The following PDE2A variants were observed in gnomAD, a reference collection of about 807,000 sequenced individuals.
PDE2A encodes the protein phosphodiesterase 2A.
In PDE2A, 53 loss-of-function variants were observed where a neutral mutation model predicts 133.6. The ratio of observed to expected loss-of-function variants is 0.40; its 90% CI spans 0.32 to 0.50. The LOEUF is 0.50. Ranked by LOEUF, PDE2A falls within the 20% of genes least tolerant of loss-of-function variation. The pLI, the probability that PDE2A is intolerant of heterozygous loss-of-function variation, is 0.73. For synonymous variants in PDE2A, 491 were observed against 490.2 expected (o/e 1.00, Z -0.02); for missense variants, 796 against 1,232.4 (o/e 0.65, Z 5.30).
intron 4 of PDE2A, among the ~76,000 whole-genome samples, chr11:72,599,992 C>G (rs549658178): frequency 2.0e-5 from 3 of 152,220 alleles, no homozygotes; most frequent in Non-Finnish European, 4.4e-5. Context: ...CAGAGGTTAT[C>G]GAGGCAGACA....
At chr11:72,653,224 C>T (rs986746386) in intron 1 of PDE2A, among the ~76,000 whole-genome samples, 4 of 151,998 alleles carry the variant, frequency 2.6e-5, no homozygotes, top group Non-Finnish European at 4.4e-5. Context: ...GCTGGGCTCT[C>T]GAGGGGAAGA....
intron 1 of PDE2A, among the ~76,000 whole-genome samples, chr11:72,659,160 C>G (rs4943961): frequency 0.18 from 27,210 of 151,198 alleles, 2,747 homozygotes; most frequent in African/African-American, 0.27. Flanking sequence ...AGGAGTCACA[C>G]CCAGTTGTGT....
intron 2 of PDE2A, among the ~76,000 whole-genome samples, chr11:72,611,493 G>T (rs548848714): frequency 6.6e-6 from 1 of 152,178 alleles, no homozygotes; most frequent in Non-Finnish European, 1.5e-5. Context: ...TCCTTTACTG[G>T]AATTGGTGGG....
chr11:72,636,384 A>T (rs765098639), intron 2 of PDE2A, among the ~76,000 whole-genome samples: 2 of 152,346 alleles, frequency 1.3e-5, no homozygotes, highest in Non-Finnish European at 2.9e-5. Context: ...TAAGTATTAC[A>T]TTTCACAGAT....
intron 2 of PDE2A, among the ~76,000 whole-genome samples, chr11:72,638,577 G>A (rs1183120523): frequency 6.6e-6 from 1 of 152,200 alleles, no homozygotes; most frequent in Non-Finnish European, 1.5e-5. Context: ...CAGAAGGTAG[G>A]AGCTCCATGA....
rs1055983483 is a variant in PDE2A at position 72,649,558 on chromosome 11, G to A, written c.72-7232C>T. Among the ~76,000 whole-genome samples, 3 of 152,244 alleles carry A rather than the reference G, an allele frequency of 2.0e-5. No individual in the cohort carries two copies. The East Asian group carries it at 5.8e-4, about 29-fold the overall frequency. ...TGAGGCCCAGGGACGTCTGGAAGGT[G>A]GGGCTGGTGGGGCCCCCAGAGCCAA... On this transcript the variant is annotated intron_variant, in intron 1 of 30. Transcript: ENST00000334456.
In PDE2A at chr11:72,582,215, G is replaced by A; in HGVS notation, c.1851+229C>T. The A allele has an allele frequency of 9.8e-6, 6 of 610,202 alleles. No individual in the cohort carries two copies. In the South Asian group the frequency reaches 1.0e-4, roughly 10 times the overall value. The allele number at this position is 610,202 out of a possible 1,614,324, so 37.8% of individuals were successfully genotyped here. Reference sequence around the variant, plus strand: ...CAAACCCTGAGGTCACATGCCCTGGGCATGGTTGGTCCAAGAGCAGCCCTT... The same window carrying A: ...CAAACCCTGAGGTCACATGCCCTGGACATGGTTGGTCCAAGAGCAGCCCTT... On this transcript the variant is annotated intron_variant, in intron 21 of 30. Transcript: ENST00000334456.
rs1439610918 is a variant in PDE2A, at chr11:72,576,208, G to C, written c.*1176C>G. The stretch of plus-strand genomic sequence containing the variant: ...GCCCACGGGACCATATACGACAGTT[G>C]CACAGAGTCCTAGAAAAACGCATCT... On this transcript the variant is annotated 3_prime_UTR_variant, in exon 31 of 31. Transcript: ENST00000334456. 1 of 152,530 alleles carries C rather than the reference G, an allele frequency of 6.6e-6. No individual in the cohort carries two copies. Among genetic ancestry groups the C allele is most frequent in the Non-Finnish European group, 1.5e-5 (1 of 68,090 alleles). The allele number at this position is 152,530 out of a possible 1,614,324, so 9.4% of individuals were successfully genotyped here.
chr11:72,659,691 G>A (rs1167969285), intron 1 of PDE2A, among the ~76,000 whole-genome samples: 1 of 152,144 alleles, frequency 6.6e-6, no homozygotes, highest in Non-Finnish European at 1.5e-5. Context: ...GATGGGGAGA[G>A]GAGTGGACCA....
intron 1 of PDE2A, among the ~76,000 whole-genome samples, chr11:72,665,123 C>A (rs1855196962): frequency 6.6e-6 from 1 of 152,082 alleles, no homozygotes; most frequent in Non-Finnish European, 1.5e-5. Context: ...AGTTTTAAGA[C>A]AACTCCGAAT....
rs756037651 is a variant in PDE2A at position 72,605,173 on chromosome 11, G to T, written c.288C>A (p.Asp96Glu). 3.1e-6 allele frequency: 5 copies of T among 1,611,234 alleles called. No individual in the cohort carries two copies. The highest frequency in any genetic ancestry group is 1.1e-5 in the South Asian group (1 of 90,448). ...CCTCCTGGGGCAGCTCATGTGGGGGGTCCTCACACACCAGCTGGGACTCAC... is the reference window on the plus strand; with the variant it reads ...CCTCCTGGGGCAGCTCATGTGGGGGTTCCTCACACACCAGCTGGGACTCAC... ...LDGESQLVCE[D>E]PPHELPQEGK... The change falls in exon 4 of 31, where the codon GAC (aspartate) becomes GAA (glutamate). Residue 96 changes from aspartate (D) to glutamate (E), a missense_variant. By Grantham distance (45) the Asp-to-Glu change is conservative. Around this residue, in one of 7 missense-constraint regions of PDE2A, gnomAD observed 417 missense variants for 475.3 expected, o/e 0.88. Transcript: ENST00000334456.
At chr11:72,655,509 A>ACGTGTGTGTGTGTG (rs1854872165) in intron 1 of PDE2A, among the ~76,000 whole-genome samples, 1 of 150,452 alleles carries the variant, frequency 6.6e-6, no homozygotes, top group African/African-American at 2.5e-5. Context: ...GTGTGCACGC[A>ACGTGTGTGTGTGTG]CGTGTGTGTG....
chr11:72,581,441 G>A lies in PDE2A; in HGVS notation c.1961C>T (p.Pro654Leu). 6.2e-7 allele frequency: 1 copy of A among 1,607,214 alleles called. No homozygotes were observed. The change falls in exon 23 of 31, where the codon CCC becomes CTC. Residue 654 changes from proline to leucine, a missense_variant. Pro to Leu is a moderately conservative substitution (Grantham distance 98). This residue lies in a region of PDE2A where 218 missense variants were observed against 465.9 expected (regional missense o/e 0.47). Coordinates refer to ENST00000334456, the MANE Select transcript of PDE2A (RefSeq NM_002599.5). ...AAAGGCGTGCATCCAGTTGTGGTAG[G>A]GGGGATCCCGGTAGCCCTTCTTCAC... ...LMVKKGYRDPPYHNWMHAFSV... is the reference protein window; with the variant it reads ...LMVKKGYRDPLYHNWMHAFSV...
At chr11:72,655,120 C>G (rs1854856358) in intron 1 of PDE2A, among the ~76,000 whole-genome samples, 1 of 152,172 alleles carries the variant, frequency 6.6e-6, no homozygotes, top group African/African-American at 2.4e-5. Context: ...CAGGGGAAGG[C>G]GGGCAGCTGC....
chr11:72,647,774 G>A (rs1007455240), intron 1 of PDE2A, among the ~76,000 whole-genome samples: 9 of 152,204 alleles, frequency 5.9e-5, no homozygotes, highest in Admixed American at 1.3e-4. Context: ...TGCTCTGTAT[G>A]TGTGTGCATG....
rs753651771 is a variant in PDE2A at position 72,608,701 on chromosome 11, A to C, written c.195T>G (p.Arg65=). The change falls in exon 3 of 31, where the codon CGT becomes CGG. Residue 65 remains arginine (R), a synonymous_variant. Coordinates refer to ENST00000334456, the MANE Select transcript of PDE2A (RefSeq NM_002599.5). ...GSVIDISGLQ[R]AVKEALSAVL... is the part of the protein sequence containing the mutation. ...CAGCTGACAGGGCCTCCTTGACAGCACGTTGCAGGCCTGAAATGTCGATGA... is the reference window on the plus strand; with the variant it reads ...CAGCTGACAGGGCCTCCTTGACAGCCCGTTGCAGGCCTGAAATGTCGATGA... The C allele has an allele frequency of 1.3e-6, 2 of 1,577,690 alleles. No homozygotes were observed.
chr11:72,632,868 C>T (rs1276663021), intron 2 of PDE2A, among the ~76,000 whole-genome samples: 1 of 152,108 alleles, frequency 6.6e-6, no homozygotes, highest in Non-Finnish European at 1.5e-5. Context: ...CTGTCCCTCC[C>T]CAACCCCACC....
intron 6 of PDE2A, among the ~76,000 whole-genome samples, chr11:72,593,604 G>A (rs966745236): frequency 6.6e-6 from 1 of 152,112 alleles, no homozygotes; most frequent in African/African-American, 2.4e-5. Flanking sequence ...GGGAAGAGTG[G>A]GCACAAATCA....
intron 2 of PDE2A, among the ~76,000 whole-genome samples, chr11:72,631,772 G>C (rs1317322262): frequency 1.3e-5 from 2 of 152,154 alleles, no homozygotes; most frequent in African/African-American, 4.8e-5. Context: ...ACACAACAGA[G>C]ACCTGCTCAC....
Sources: allele counts gnomAD v4.1 joint callset (sites outside exome capture counted in the v4.1 genomes callset), GRCh38; gene constraint gnomAD v4.1.1; regional missense constraint gnomAD v4.1.1; transcripts MANE v1.5; gene names NCBI Gene and HGNC (gene_info 2026-07-23, HGNC 2026-07-21).